RIT2: variants seen among roughly 807,000 people sequenced by gnomAD.
RIT2 encodes the protein GTP-binding protein Rit2.
RIT2 carries 24 observed loss-of-function variants against 23.7 expected under a neutral mutation model. The ratio of observed to expected loss-of-function variants is 1.01; its 90% CI spans 0.73 to 1.43. RIT2 has a LOEUF of 1.43. RIT2 is among the 40% of genes most tolerant of loss of function. RIT2 has a pLI of 0.00. For missense variants in RIT2, 236 were observed against 266.9 expected, an observed-to-expected ratio of 0.88 and a Z score of 0.81; for synonymous variants, 107 against 91.1, an observed-to-expected ratio of 1.17 and a Z score of -0.99.
chr18:43,016,508 T>C (rs1418981819), intron 2 of RIT2, among the ~76,000 whole-genome samples: 1 of 151,778 alleles, frequency 6.6e-6, no homozygotes, highest in East Asian at 1.9e-4. Flanking sequence ...TTTCATCATA[T>C]AAATTCTAAA....
At position 42,980,324 on chromosome 18, in the gene RIT2, T is replaced by A. The variant is rs139111162; in HGVS notation, c.161-6177A>T. Among the ~76,000 whole-genome samples the A allele has an allele frequency of 1.7e-4, 26 of 152,186 alleles. 1 individual carries two copies. The East Asian group carries it at 5.0e-3, about 30-fold the overall frequency. Reference sequence around the variant, plus strand: ...TATTGAGAATTCAGTACAGTTTACTTAGGTCTCTGAGAAATAGGAGCTTCC... The same window carrying A: ...TATTGAGAATTCAGTACAGTTTACTAAGGTCTCTGAGAAATAGGAGCTTCC... On this transcript the variant is annotated intron_variant, in intron 2 of 4. Transcript: ENST00000326695.
At chr18:42,801,050 A>G (rs896187388) in intron 4 of RIT2, among the ~76,000 whole-genome samples, 4 of 152,208 alleles carry the variant, frequency 2.6e-5, no homozygotes, top group Admixed American at 6.5e-5. Context: ...AACAATAAAA[A>G]AAGCAAACAG....
At chr18:42,795,591 G>C (rs1350732783) in intron 4 of RIT2, among the ~76,000 whole-genome samples, 2 of 152,206 alleles carry the variant, frequency 1.3e-5, no homozygotes, top group Admixed American at 1.3e-4. Flanking sequence ...CAGTCCCATC[G>C]ACCACCTAAG....
At chr18:43,009,113 A>C (rs1449027736) in intron 2 of RIT2, among the ~76,000 whole-genome samples, 1 of 151,760 alleles carries the variant, frequency 6.6e-6, no homozygotes, top group Non-Finnish European at 1.5e-5. Flanking sequence ...AAAATAATTA[A>C]TTAGAAACCA....
At chr18:42,834,037 G>A (rs1906532317) in intron 4 of RIT2, among the ~76,000 whole-genome samples, 1 of 152,142 alleles carries the variant, frequency 6.6e-6, no homozygotes, top group South Asian at 2.1e-4. Context: ...ACACAGAGGA[G>A]TTCAAACAAA....
chr18:42,836,568 C>T (rs569192675), intron 4 of RIT2, among the ~76,000 whole-genome samples: 1 of 152,204 alleles, frequency 6.6e-6, no homozygotes, highest in East Asian at 1.9e-4. Flanking sequence ...GGAGAAGCTT[C>T]GTTTGGGGAT....
chr18:42,875,320 TTC>T (rs957208185), intron 4 of RIT2, among the ~76,000 whole-genome samples: 1 of 151,520 alleles, frequency 6.6e-6, no homozygotes, highest in Admixed American at 6.6e-5. Flanking sequence ...GTTGCCTTCT[TTC>T]TCTCTCTCTT....
intron 2 of RIT2, among the ~76,000 whole-genome samples, chr18:42,993,605 T>C (rs1215598569): frequency 6.6e-6 from 1 of 152,112 alleles, no homozygotes; most frequent in Admixed American, 6.5e-5. Context: ...AGTACTCCTT[T>C]TTAGTTATCC....
At chr18:42,962,581 GA>G (rs1162483172) in intron 3 of RIT2, among the ~76,000 whole-genome samples, 1 of 152,182 alleles carries the variant, frequency 6.6e-6, no homozygotes, top group Non-Finnish European at 1.5e-5. Flanking sequence ...AGCAGGCTTT[GA>G]GAGTCAAACA....
intron 1 of RIT2, among the ~76,000 whole-genome samples, chr18:43,065,969 G>T (rs1912762700): frequency 1.3e-5 from 2 of 152,084 alleles, no homozygotes; most frequent in Non-Finnish European, 2.9e-5. Context: ...TACATCCAGA[G>T]TAATATTTAA....
intron 4 of RIT2, among the ~76,000 whole-genome samples, chr18:42,768,371 G>T (rs574323885): frequency 2.0e-5 from 3 of 152,262 alleles, no homozygotes; most frequent in Admixed American, 1.3e-4. Flanking sequence ...GTCAGCAGAA[G>T]TTCAAGGTTT....
At chr18:43,057,778 A>G (rs559720345) in intron 1 of RIT2, among the ~76,000 whole-genome samples, 8 of 142,344 alleles carry the variant, frequency 5.6e-5, no homozygotes, top group African/African-American at 2.1e-4. Flanking sequence ...CAATGGAGCT[A>G]ATCTTCCAAG....
At chr18:43,053,828 G>A (rs1912439409) in intron 1 of RIT2, among the ~76,000 whole-genome samples, 1 of 152,054 alleles carries the variant, frequency 6.6e-6, no homozygotes, top group South Asian at 2.1e-4. Context: ...GTAGTTCCTT[G>A]TAGAAGAAAT....
intron 3 of RIT2, among the ~76,000 whole-genome samples, chr18:42,924,820 A>G (rs896434818): frequency 1.3e-5 from 2 of 152,174 alleles, no homozygotes; most frequent in African/African-American, 4.8e-5. Context: ...ATAAATGTCA[A>G]TTTGATTTAC....
At chr18:43,049,464 C>T (rs1025170128) in intron 1 of RIT2, among the ~76,000 whole-genome samples, 9 of 152,082 alleles carry the variant, frequency 5.9e-5, no homozygotes, top group African/African-American at 2.2e-4. Context: ...CAGCTAGGTC[C>T]TCTGTTAAGT....
chr18:42,770,512 G>T (rs1307570393), intron 4 of RIT2, among the ~76,000 whole-genome samples: 1 of 152,174 alleles, frequency 6.6e-6, no homozygotes. Context: ...AGCTCTTGAA[G>T]ATGGGATTCT....
In RIT2 at chr18:43,088,333, T is replaced by C. The variant is rs1046701546; in HGVS notation, c.103+27084A>G. Among the ~76,000 whole-genome samples, 4 of 152,218 alleles carry C rather than the reference T, an allele frequency of 2.6e-5. No individual in the cohort carries two copies. The East Asian group carries it at 7.7e-4, about 29-fold the overall frequency. ...CCAAATTACAAGTTCTTTAATGTTC[T>C]AATATTTCTAATACATTGTATTTTA... is the stretch of plus-strand genomic sequence containing the variant. On this transcript the variant is annotated intron_variant, in intron 1 of 4. Coordinates refer to ENST00000326695, the MANE Select transcript of RIT2 (RefSeq NM_002930.4).
chr18:42,865,082 A>T (rs1369851342), intron 4 of RIT2, among the ~76,000 whole-genome samples: 2 of 152,180 alleles, frequency 1.3e-5, no homozygotes, highest in African/African-American at 2.4e-5. Context: ...AACTAGTTAT[A>T]GCCCAGTTAC....
At chr18:42,803,036 T>C (rs1281316580) in intron 4 of RIT2, among the ~76,000 whole-genome samples, 1 of 152,176 alleles carries the variant, frequency 6.6e-6, no homozygotes, top group African/African-American at 2.4e-5. Context: ...TTTCCACTTC[T>C]GTAAGTTGGA....
Sources: gnomAD v4.1 joint callset for allele counts (sites outside exome capture counted in the v4.1 genomes callset) on GRCh38, gnomAD v4.1.1 for gene constraint, MANE v1.5 for transcripts, NCBI Gene and HGNC (gene_info 2026-07-23, HGNC 2026-07-21) for gene names.